EYA2: variants seen among roughly 807,000 people sequenced by gnomAD.
EYA2 encodes the protein protein phosphatase EYA2.
In EYA2, 31 loss-of-function variants were observed where a neutral mutation model predicts 69.2. That is an observed-to-expected ratio of 0.45 (90% CI 0.34 to 0.60). The LOEUF is 0.60. Among genes scored for constraint, EYA2 ranks in the 20% least tolerant of loss-of-function variants. The pLI is 0.02. For missense variants in EYA2, 622 were observed against 701.2 expected (o/e 0.89, Z 1.28); for synonymous variants, 257 against 279.4 (o/e 0.92, Z 0.80).
chr20:47,062,281 T>G lies in EYA2; in HGVS notation c.416-9904T>G, dbSNP rs1166277855. ...AGCATTTTCTTGAGTATCTGTCCAT[T>G]AAACATATCCATCTAGATATGATTT... On this transcript the variant is annotated intron_variant, in intron 5 of 15. Coordinates refer to ENST00000327619, the MANE Select transcript of EYA2 (RefSeq NM_005244.5). Among the ~76,000 whole-genome samples the G allele has an allele frequency of 2.0e-5, 3 of 152,208 alleles. No homozygotes were observed. The East Asian group carries it at 5.8e-4, about 29-fold the overall frequency.
chr20:46,935,095 C>G (rs547149300), intron 1 of EYA2, among the ~76,000 whole-genome samples: 8 of 152,160 alleles, frequency 5.3e-5, no homozygotes, highest in African/African-American at 1.9e-4. Flanking sequence ...CCAGTCTAGA[C>G]GGGAGTGGCT....
intron 9 of EYA2, among the ~76,000 whole-genome samples, chr20:47,114,712 C>G (rs1293429144): frequency 2.0e-5 from 3 of 152,128 alleles, no homozygotes; most frequent in Admixed American, 2.0e-4. Context: ...AATTATAATC[C>G]CCAGTGCTAG....
intron 12 of EYA2, among the ~76,000 whole-genome samples, chr20:47,173,532 A>AAAG (rs2034370795): frequency 6.8e-6 from 1 of 146,986 alleles, no homozygotes; most frequent in Non-Finnish European, 1.5e-5. Flanking sequence ...AAAAAAAAAA[A>AAAG]CGTGCAGGGT....
At chr20:47,055,063 A>G (rs950045831) in intron 5 of EYA2, among the ~76,000 whole-genome samples, 3 of 152,126 alleles carry the variant, frequency 2.0e-5, no homozygotes, top group Non-Finnish European at 4.4e-5. Context: ...ACCATATGTC[A>G]TCTTGAGATT....
At chr20:46,995,436 G>C (rs1981955561) in intron 2 of EYA2, among the ~76,000 whole-genome samples, 1 of 152,174 alleles carries the variant, frequency 6.6e-6, no homozygotes, top group Non-Finnish European at 1.5e-5. Context: ...TCCCGCAAGA[G>C]ACAAAGGGCT....
intron 5 of EYA2, among the ~76,000 whole-genome samples, chr20:47,038,665 G>T (rs999807920): frequency 6.6e-6 from 1 of 152,198 alleles, no homozygotes; most frequent in Admixed American, 6.5e-5. Context: ...TAATTATACA[G>T]TAAGGAGTGT....
intron 1 of EYA2, among the ~76,000 whole-genome samples, chr20:46,988,995 C>T (rs1339995750): frequency 1.3e-5 from 2 of 152,082 alleles, no homozygotes; most frequent in African/African-American, 2.4e-5. Flanking sequence ...TGTGAGCCAC[C>T]ATGCCTGGCC....
intron 2 of EYA2, among the ~76,000 whole-genome samples, 180 bp from the exon 3 acceptor site, chr20:47,001,248 G>A (rs905266766): frequency 6.6e-6 from 1 of 152,006 alleles, no homozygotes; most frequent in Non-Finnish European, 1.5e-5. Context: ...AAAGGGCTCC[G>A]AACTCCTCAA....
intron 9 of EYA2, among the ~76,000 whole-genome samples, chr20:47,140,729 AG>A (rs1287480970): frequency 1.3e-5 from 2 of 152,172 alleles, no homozygotes; most frequent in Non-Finnish European, 2.9e-5. Flanking sequence ...TGGGTGTTTT[AG>A]TCCATTTAGT....
At position 47,052,272 on chromosome 20, in the gene EYA2, A is replaced by G. The variant is rs891633690; in HGVS notation, c.416-19913A>G. 2.6e-5 allele frequency among the ~76,000 whole-genome samples: 4 copies of G among 152,078 alleles called. No homozygotes were observed. In the East Asian group the frequency reaches 7.7e-4, roughly 29 times the overall value. On this transcript the variant is annotated intron_variant, in intron 5 of 15. Transcript: ENST00000327619. ...GCAAGGTGTGGCTGGAGTTGGGGGG[A>G]GCATGGGGGCTGCTTTAGCTGGAGT... is the stretch of plus-strand genomic sequence containing the variant.
intron 15 of EYA2, among the ~76,000 whole-genome samples, chr20:47,187,423 A>G (rs2034668141): frequency 6.6e-6 from 1 of 151,724 alleles, no homozygotes; most frequent in Non-Finnish European, 1.5e-5. Flanking sequence ...TGCTGCAAAG[A>G]AAAGGAAAAG....
intron 1 of EYA2, among the ~76,000 whole-genome samples, chr20:46,935,046 C>T (rs774418964): frequency 3.9e-5 from 6 of 152,194 alleles, no homozygotes; most frequent in African/African-American, 7.2e-5. Flanking sequence ...AGACTGGAGA[C>T]GCTGAGTCTG....
Position 47,158,401 on chromosome 20 carries a change from C to T in EYA2, c.979-10738C>T, listed in dbSNP as rs149552047. On this transcript the variant is annotated intron_variant, in intron 10 of 15. Transcript: ENST00000327619. ...ATGTGGTGGCAGGCATTTGTAATGC[C>T]GGCTACTTGGGAGACTGAGGCAGGA... 2.2e-3 allele frequency among the ~76,000 whole-genome samples: 332 copies of T among 151,586 alleles called. 1 individual carries two copies. The highest frequency in any genetic ancestry group is 7.8e-3 in the African/African-American group (321 of 41,372).
intron 5 of EYA2, among the ~76,000 whole-genome samples, chr20:47,050,287 G>A (rs551551077): frequency 5.6e-4 from 86 of 152,292 alleles, no homozygotes; most frequent in African/African-American, 2.0e-3. Context: ...TGTATGTAGC[G>A]AGAGGGAAAA....
At chr20:46,933,709 T>A (rs1051171319) in intron 1 of EYA2, among the ~76,000 whole-genome samples, 1 of 152,258 alleles carries the variant, frequency 6.6e-6, no homozygotes, top group Non-Finnish European at 1.5e-5. Flanking sequence ...CTCACAGGAC[T>A]GCTGTCTTGC....
At chr20:47,060,551 T>C (rs1236801429) in intron 5 of EYA2, among the ~76,000 whole-genome samples, 2 of 152,234 alleles carry the variant, frequency 1.3e-5, no homozygotes, top group Admixed American at 6.5e-5. Flanking sequence ...TTCATCAGCC[T>C]GGGCAGAGGG....
At chr20:46,974,628 G>T (rs1263460202) in intron 1 of EYA2, among the ~76,000 whole-genome samples, 2 of 152,108 alleles carry the variant, frequency 1.3e-5, no homozygotes, top group African/African-American at 4.8e-5. Flanking sequence ...CAAGCACTTC[G>T]TGTTGTCCAG....
chr20:46,923,287 C>A (rs935663344), intron 1 of EYA2, among the ~76,000 whole-genome samples: 1 of 152,104 alleles, frequency 6.6e-6, no homozygotes, highest in Non-Finnish European at 1.5e-5. Context: ...ATTGCTTGAA[C>A]CTGGGAGGCA....
intron 2 of EYA2, chr20:46,998,294 C>T (rs59834749): frequency 0.066 from 10,061 of 152,374 alleles, 1,026 homozygotes; most frequent in African/African-American, 0.22. Flanking sequence ...GAAAGAAATT[C>T]CGGGCTACAC....
Sources: gnomAD v4.1 joint callset for allele counts (sites outside exome capture counted in the v4.1 genomes callset) on GRCh38, gnomAD v4.1.1 for gene constraint, MANE v1.5 for transcripts, NCBI Gene and HGNC (gene_info 2026-07-23, HGNC 2026-07-21) for gene names.